The following ATP6V1A variants were observed in gnomAD, a reference collection of about 807,000 sequenced individuals.
ATP6V1A encodes the protein V-type proton ATPase catalytic subunit A.
A neutral mutation model predicts 70.1 loss-of-function variants in ATP6V1A; 18 were observed. The ratio of observed to expected loss-of-function variants is 0.26; its 90% CI spans 0.18 to 0.38. The LOEUF (loss-of-function observed/expected upper bound fraction) is 0.38. Ranked by LOEUF, ATP6V1A falls within the 10% of genes least tolerant of loss-of-function variation. ATP6V1A has a pLI of 1.00. For missense variants in ATP6V1A, 424 were observed against 772.4 expected, an observed-to-expected ratio of 0.55 and a Z score of 5.35; for synonymous variants, 232 against 253.8, an observed-to-expected ratio of 0.91 and a Z score of 0.82.
chr3:113,747,604 A>C (rs1375610455), intron 1 of ATP6V1A, among the ~76,000 whole-genome samples: 1 of 152,164 alleles, frequency 6.6e-6, no homozygotes, highest in Non-Finnish European at 1.5e-5. Context: ...GTCACTGTGA[A>C]GCTTCCCTCC....
chr3:113,795,043 G>A lies in ATP6V1A; in HGVS notation c.1112-47G>A, dbSNP rs761025920. 104 of 1,612,998 alleles carry A rather than the reference G, an allele frequency of 6.4e-5. No homozygotes were observed. In the East Asian group the frequency reaches 1.5e-3, roughly 24 times the overall value. ...TGTAAACAAGACTGATGGGATTTTC[G>A]GGGCTGGCTTAGAAACTCTGTTTTA... is the stretch of plus-strand genomic sequence containing the variant. On this transcript the variant is annotated intron_variant, in intron 9 of 14. Transcript: ENST00000273398.
At chr3:113,757,766 T>A (rs1708661271) in intron 1 of ATP6V1A, among the ~76,000 whole-genome samples, 1 of 152,222 alleles carries the variant, frequency 6.6e-6, no homozygotes, top group South Asian at 2.1e-4. Context: ...CTGGTTTGGC[T>A]AAGTTTTCAT....
At chr3:113,794,687 C>T (rs1468307925) in intron 8 of ATP6V1A, among the ~76,000 whole-genome samples, 185 bp from the exon 9 acceptor site, 1 of 152,128 alleles carries the variant, frequency 6.6e-6, no homozygotes, top group Non-Finnish European at 1.5e-5. Context: ...ATGGCCATAT[C>T]TAAGTGCACA....
chr3:113,781,335 G>A (rs1401468026), intron 3 of ATP6V1A, among the ~76,000 whole-genome samples, 157 bp downstream of exon 3: 2 of 152,112 alleles, frequency 1.3e-5, no homozygotes, highest in East Asian at 1.9e-4. Context: ...TGGCCAACAT[G>A]GTGAAACTCC....
At chr3:113,768,294 A>G (rs1287936776) in intron 1 of ATP6V1A, among the ~76,000 whole-genome samples, 2 of 152,132 alleles carry the variant, frequency 1.3e-5, no homozygotes, top group Non-Finnish European at 2.9e-5. Context: ...GGATTACTTC[A>G]TTGATGACCT....
intron 1 of ATP6V1A, among the ~76,000 whole-genome samples, chr3:113,754,029 A>G (rs1230094041): frequency 6.6e-6 from 1 of 152,170 alleles, no homozygotes; most frequent in African/African-American, 2.4e-5. Context: ...CCTGGTTGTC[A>G]CCGTTGGAAA....
intron 3 of ATP6V1A, among the ~76,000 whole-genome samples, chr3:113,783,151 A>G (rs1026597153): frequency 1.3e-5 from 2 of 152,174 alleles, no homozygotes; most frequent in Non-Finnish European, 2.9e-5. Context: ...TTACAGCCAT[A>G]TAACAATTCC....
At chr3:113,758,217 C>T (rs1002416814) in intron 1 of ATP6V1A, among the ~76,000 whole-genome samples, 1 of 152,266 alleles carries the variant, frequency 6.6e-6, no homozygotes. Flanking sequence ...CCTGTGGAAG[C>T]ATGCCTTTAT....
At chr3:113,772,268 G>T (rs1435964617) in intron 1 of ATP6V1A, among the ~76,000 whole-genome samples, 1 of 152,198 alleles carries the variant, frequency 6.6e-6, no homozygotes, top group Non-Finnish European at 1.5e-5. Context: ...ACAGCTGTTA[G>T]TTATTCAGTA....
chr3:113,762,145 T>G (rs527473857), intron 1 of ATP6V1A, among the ~76,000 whole-genome samples: 1 of 127,982 alleles, frequency 7.8e-6, no homozygotes, highest in African/African-American at 2.9e-5. Context: ...AGAGCAAAAC[T>G]CTGTCTCAAA....
chr3:113,752,867 C>T (rs772736098), intron 1 of ATP6V1A, among the ~76,000 whole-genome samples: 2 of 151,976 alleles, frequency 1.3e-5, no homozygotes, highest in Non-Finnish European at 2.9e-5. Flanking sequence ...GGATTAGAGG[C>T]TTAAATGTAA....
At chr3:113,776,556 A>G (rs1257524104) in intron 1 of ATP6V1A, among the ~76,000 whole-genome samples, 3 of 152,206 alleles carry the variant, frequency 2.0e-5, no homozygotes, top group East Asian at 1.9e-4. Flanking sequence ...CTCTGTAAAC[A>G]TATAATAAAT....
chr3:113,752,397 A>G (rs1379402029), intron 1 of ATP6V1A, among the ~76,000 whole-genome samples: 3 of 151,934 alleles, frequency 2.0e-5, no homozygotes, highest in East Asian at 3.8e-4. Flanking sequence ...AAGGAAATGC[A>G]TCAAAATAAG....
Position 113,811,564 on chromosome 3 carries a change from C to T in ATP6V1A, c.*2137C>T, listed in dbSNP as rs962366510. 1.3e-5 allele frequency: 2 copies of T among 152,544 alleles called. No individual in the cohort carries two copies. Among genetic ancestry groups the T allele is most frequent in the Non-Finnish European group, 2.9e-5 (2 of 68,022 alleles). 9.4% of individuals were successfully genotyped at this position (152,544 alleles called of 1,614,324 possible). On this transcript the variant is annotated 3_prime_UTR_variant, in exon 15 of 15. Coordinates refer to ENST00000273398, the MANE Select transcript of ATP6V1A (RefSeq NM_001690.4). ...TACCAGCAAACTAGGATTGTGATAG[C>T]AATGAATGGTATGATGAAGAAAGTT...
chr3:113,798,137 AC>A, intron 11 of ATP6V1A, 105 bp from the exon 12 acceptor site: 1 of 1,307,270 alleles, frequency 7.6e-7, no homozygotes, highest in Non-Finnish European at 1.1e-6. Context: ...TGTCTCAAAA[AC>A]AAAAAAAAAA....
intron 8 of ATP6V1A, among the ~76,000 whole-genome samples, chr3:113,791,412 C>A (rs1051768776): frequency 4.9e-5 from 7 of 142,102 alleles, no homozygotes; most frequent in South Asian, 2.2e-4. Context: ...TTTTTTTTAA[C>A]TGTGGTCACA....
intron 1 of ATP6V1A, among the ~76,000 whole-genome samples, chr3:113,752,128 A>G (rs1708594177): frequency 6.6e-6 from 1 of 151,854 alleles, no homozygotes; most frequent in Non-Finnish European, 1.5e-5. Flanking sequence ...AACATGCCAC[A>G]TTTTGTTTCT....
intron 1 of ATP6V1A, among the ~76,000 whole-genome samples, chr3:113,755,256 G>T (rs531396118): frequency 6.6e-6 from 1 of 152,016 alleles, no homozygotes; most frequent in South Asian, 2.1e-4. Flanking sequence ...AACTTCATTG[G>T]ATGTTGTGAA....
In ATP6V1A at chr3:113,784,384, G is replaced by C. The variant is rs372411018; in HGVS notation, c.372G>C (p.Val124=). 3.6e-5 allele frequency: 58 copies of C among 1,614,060 alleles called. No individual in the cohort carries two copies. The highest frequency in any genetic ancestry group is 6.7e-5 in the Admixed American group (4 of 60,006). Residue 124 remains valine (V), a synonymous_variant, in exon 4 of 15, where the codon GTG becomes GTC. Coordinates refer to ENST00000273398, the MANE Select transcript of ATP6V1A (RefSeq NM_001690.4). The part of the protein sequence containing the change: ...QSIYIPRGVN[V]SALSRDIKWD... ...TCTACATCCCCAGAGGAGTAAACGT[G>C]TCTGCTCTTAGCAGAGATATCAAAT...
Sources: allele counts gnomAD v4.1 joint callset (sites outside exome capture counted in the v4.1 genomes callset), GRCh38; gene constraint gnomAD v4.1.1; transcripts MANE v1.5; gene names NCBI Gene and HGNC (gene_info 2026-07-23, HGNC 2026-07-21).